The following CELSR1 variants were observed in gnomAD, a reference collection of about 807,000 sequenced individuals.
The protein encoded by CELSR1 is cadherin EGF LAG seven-pass G-type receptor 1.
In CELSR1, 110 loss-of-function variants were observed where a neutral mutation model predicts 249.1. The ratio of observed to expected loss-of-function variants is 0.44; its 90% CI spans 0.38 to 0.52. CELSR1 has a LOEUF of 0.52. Among genes scored for constraint, CELSR1 ranks in the 20% least tolerant of loss-of-function variants. The pLI, the probability that CELSR1 is intolerant of heterozygous loss-of-function variation, is 0.00. For synonymous variants in CELSR1, 2,113 were observed against 1,900.0 expected (o/e 1.11, Z -2.92); for missense variants, 4,109 against 4,296.4 (o/e 0.96, Z 1.22).
At chr22:46,431,437 TC>T (rs1369387351) in intron 5 of CELSR1, among the ~76,000 whole-genome samples, 1 of 151,656 alleles carries the variant, frequency 6.6e-6, no homozygotes, top group Non-Finnish European at 1.5e-5. Flanking sequence ...GCCTACCCCC[TC>T]CCCAGCAACA....
At chr22:46,496,423 C>T (rs1436328929) in intron 1 of CELSR1, among the ~76,000 whole-genome samples, 1 of 151,934 alleles carries the variant, frequency 6.6e-6, no homozygotes, top group Non-Finnish European at 1.5e-5. Flanking sequence ...CAAAAACTAG[C>T]CTGGTGTGGT....
intron 14 of CELSR1, among the ~76,000 whole-genome samples, 194 bp from the exon 15 acceptor site, chr22:46,392,010 G>T (rs1016864104): frequency 2.6e-5 from 4 of 152,204 alleles, no homozygotes; most frequent in Non-Finnish European, 5.9e-5. Context: ...CCACAAGGCC[G>T]GACCCAGGAG....
In CELSR1 at chr22:46,398,557, G is replaced by C. The variant is rs144288536; in HGVS notation, c.5493C>G (p.Val1831=). The C allele has an allele frequency of 2.5e-6, 4 of 1,613,426 alleles. No individual in the cohort carries two copies. Among genetic ancestry groups the C allele is most frequent in the African/African-American group, 2.7e-5 (2 of 74,858 alleles). ...VVVGGASEDK[V]SVRRGFRGCM... ...AGCCTCGGAATCCACGGCGCACGGA[G>C]ACCTTGTCTTCAGAGGCGCCTCCGA... is the stretch of plus-strand genomic sequence containing the variant. The change falls in exon 11 of 35, where the codon GTC becomes GTG. Residue 1831 remains valine, a synonymous_variant. Coordinates refer to ENST00000674500, the MANE Select transcript of CELSR1 (RefSeq NM_001378328.1). This position sits in a 1 kb window ranked among gnomAD's most constrained non-coding sequence, Gnocchi z 7.2.
Position 46,439,186 on chromosome 22 carries a change from C to T in CELSR1, c.4406+3G>A. On this transcript the variant is annotated splice_donor_region_variant and intron_variant, in intron 3 of 34. Coordinates refer to ENST00000674500, the MANE Select transcript of CELSR1 (RefSeq NM_001378328.1). ...CGTGTGGCGCGGCGGGACGCACACT[C>T]ACGTGAGGGAGATGGTGAAGTGGAA... 1.2e-6 allele frequency: 2 copies of T among 1,611,526 alleles called. No homozygotes were observed. Among genetic ancestry groups the T allele is most frequent in the Middle Eastern group, 1.7e-4 (1 of 6,060 alleles).
rs904712157 is a variant in CELSR1, at chr22:46,377,120, C to T, written c.7525G>A (p.Val2509Met). Residue 2509 changes from valine to methionine, a missense_variant, in exon 24 of 35, where the codon GTG becomes ATG. Physicochemically the swap from Val to Met is conservative, Grantham distance 21 (BLOSUM62 1). This residue lies in a region of CELSR1 where 1,805 missense variants were observed against 1,831.6 expected (regional missense o/e 0.99). Coordinates refer to ENST00000674500, the MANE Select transcript of CELSR1 (RefSeq NM_001378328.1). Reference protein sequence around the residue: ...NLHSIHKHLAVALFLSQLVFV... With the variant: ...NLHSIHKHLAMALFLSQLVFV... ...ACCAGCTGAGAGAGGAAGAGCGCCA[C>T]GGCGAGGTGCTTGTGAATGCTGTGC... The T allele has an allele frequency of 9.3e-6, 15 of 1,613,484 alleles. No homozygotes were observed. The highest frequency in any genetic ancestry group is 5.0e-5 in the Admixed American group (3 of 59,980).
intron 5 of CELSR1, among the ~76,000 whole-genome samples, chr22:46,421,990 A>G (rs76004723): frequency 0.044 from 6,706 of 152,330 alleles, 463 homozygotes; most frequent in African/African-American, 0.14. Context: ...ACCAGCCTGC[A>G]TGGCCACCTC....
At chr22:46,397,877 CA>C in intron 11 of CELSR1, 29 bp from the exon 12 acceptor site, 1 of 1,494,792 alleles carries the variant, frequency 6.7e-7, no homozygotes, top group Non-Finnish European at 9.0e-7. Context: ...ACTGGGGCTA[CA>C]GGAGCCCGGA....
rs372070030 is a variant in CELSR1 at position 46,409,032 on chromosome 22, C to T, written c.5190G>A (p.Glu1730=). 8 of 1,612,546 alleles carry T rather than the reference C, an allele frequency of 5.0e-6. No individual in the cohort carries two copies. In the South Asian group the frequency reaches 8.8e-5, roughly 18 times the overall value. ...RTRKEDSVLM[E]ATSGGPTSFR... ...AGCTGGTGGGCCCACCACTGGTGGC[C>T]TCCATCAGAACGCTGTCCTCCTTCC... is the stretch of plus-strand genomic sequence containing the variant. The change falls in exon 9 of 35, where the codon GAG becomes GAA. Residue 1730 remains glutamate, a synonymous_variant. Coordinates refer to ENST00000674500, the MANE Select transcript of CELSR1 (RefSeq NM_001378328.1). This position sits in a 1 kb window ranked among gnomAD's most constrained non-coding sequence, Gnocchi z 9.8.
Position 46,436,364 on chromosome 22 carries a change from A to C in CELSR1, c.4407-75T>G. ...AAGGCTGCCTAGGAATGACAAGTCC[A>C]GCCGGAGGAGGGCAAGCACGTGGGG... On this transcript the variant is annotated intron_variant, in intron 3 of 34. Coordinates refer to ENST00000674500, the MANE Select transcript of CELSR1 (RefSeq NM_001378328.1). The surrounding 1 kb of genome is among the most constrained non-coding windows in gnomAD (Gnocchi z 5.9). The C allele has an allele frequency of 9.0e-7, 1 of 1,106,660 alleles. No homozygotes were observed. The highest frequency in any genetic ancestry group is 1.9e-5 in the Admixed American group (1 of 51,880). 68.6% of individuals were successfully genotyped at this position (1,106,660 alleles called of 1,614,324 possible).
Position 46,394,039 on chromosome 22 carries a change from G to C in CELSR1, c.5964+103C>G. 2.8e-6 allele frequency: 4 copies of C among 1,450,826 alleles called. No individual in the cohort carries two copies. The South Asian group carries it at 5.1e-5, about 19-fold the overall frequency. 89.9% of individuals were successfully genotyped at this position (1,450,826 alleles called of 1,614,324 possible). A position where few individuals can be genotyped will look rare whatever the true frequency, so the allele number is the denominator to read the frequency against. ...CACAGGTGTGTGTGCAGGGGTGTGA[G>C]TGTGTACCGACAGGGTATGTGAAGG... On this transcript the variant is annotated intron_variant, in intron 14 of 34. Coordinates refer to ENST00000674500, the MANE Select transcript of CELSR1 (RefSeq NM_001378328.1).
chr22:46,479,334 C>T (rs576944684), intron 1 of CELSR1, among the ~76,000 whole-genome samples: 11 of 152,162 alleles, frequency 7.2e-5, no homozygotes, highest in Admixed American at 5.2e-4. Flanking sequence ...GCCGCTCCTA[C>T]CCCCGAGCCC....
At chr22:46,452,512 G>A (rs1396332520) in intron 2 of CELSR1, among the ~76,000 whole-genome samples, 6 of 152,208 alleles carry the variant, frequency 3.9e-5, no homozygotes, top group Admixed American at 2.0e-4. Context: ...CACTTAGGGG[G>A]CGGTCAGCCC....
At position 46,381,310 on chromosome 22, in the gene CELSR1, G is replaced by A. The variant is rs1389173124; in HGVS notation, c.7089-355C>T. On this transcript the variant is annotated intron_variant, in intron 21 of 34. Transcript: ENST00000674500. This position sits in a 1 kb window ranked among gnomAD's most constrained non-coding sequence, Gnocchi z 6.0. ...ACACCAAAATAATGGCAGCTCATGG[G>A]GATGAATCACCCAGTCACTGAGAAC... Among the ~76,000 whole-genome samples the A allele has an allele frequency of 2.0e-5, 3 of 152,206 alleles. No homozygotes were observed. Among genetic ancestry groups the A allele is most frequent in the Admixed American group, 6.5e-5 (1 of 15,282 alleles).
At chr22:46,375,539 CTTTT>C (rs971800051) in intron 24 of CELSR1, among the ~76,000 whole-genome samples, 2 of 120,590 alleles carry the variant, frequency 1.7e-5, no homozygotes, top group South Asian at 2.6e-4. Context: ...CTGCCAGGCT[CTTTT>C]TTTTTTTTTT....
intron 18 of CELSR1, among the ~76,000 whole-genome samples, chr22:46,387,594 G>C (rs2079046049): frequency 1.3e-5 from 2 of 151,988 alleles, no homozygotes; most frequent in Admixed American, 1.3e-4. Flanking sequence ...CCTGGGCTCA[G>C]GCAATCTGCC....
Position 46,536,509 on chromosome 22 carries a change from T to C in CELSR1, c.662A>G (p.Asn221Ser). The C allele has an allele frequency of 1.3e-6, 2 of 1,523,662 alleles. No individual in the cohort carries two copies. The highest frequency in any genetic ancestry group is 1.8e-6 in the Non-Finnish European group (2 of 1,140,288). The allele number at this position is 1,523,662 out of a possible 1,614,324, so 94.4% of individuals were successfully genotyped here. A position where few individuals can be genotyped will look rare whatever the true frequency, so the allele number is the denominator to read the frequency against. Reference sequence around the variant, plus strand: ...CGGCCCCGCCCGGGCTTCGGGCAAGTTCGGCGGCAGGGGCGGCGATGGGGA... The same window carrying C: ...CGGCCCCGCCCGGGCTTCGGGCAAGCTCGGCGGCAGGGGCGGCGATGGGGA... ...SPSPSPPLPPNLPEARAGPAR... is the reference protein window; with the variant it reads ...SPSPSPPLPPSLPEARAGPAR... Residue 221 changes from asparagine (N) to serine (S), a missense_variant, in exon 1 of 35, where the codon AAC becomes AGC. Around this residue, in one of 7 missense-constraint regions of CELSR1, gnomAD observed 673 missense variants for 636.8 expected, o/e 1.06. Coordinates refer to ENST00000674500, the MANE Select transcript of CELSR1 (RefSeq NM_001378328.1).
At chr22:46,364,472 T>C in intron 33 of CELSR1, 40 bp downstream of exon 33, 1 of 1,579,734 alleles carries the variant, frequency 6.3e-7, no homozygotes, top group Non-Finnish European at 8.6e-7. Context: ...CCCTTCTGGG[T>C]CCTCCAGCCT....
At chr22:46,383,308 T>C (rs1042451658) in intron 20 of CELSR1, among the ~76,000 whole-genome samples, 1 of 152,262 alleles carries the variant, frequency 6.6e-6, no homozygotes, top group African/African-American at 2.4e-5. Context: ...TTACAGAGTT[T>C]ACCTTTTCAC....
chr22:46,384,260 C>A (rs2079008949), intron 20 of CELSR1, among the ~76,000 whole-genome samples: 1 of 152,310 alleles, frequency 6.6e-6, no homozygotes, highest in African/African-American at 2.4e-5. Context: ...TTTATTGTTT[C>A]ATGCTTACGC....
Sources: gnomAD v4.1 joint callset for allele counts (sites outside exome capture counted in the v4.1 genomes callset) on GRCh38, gnomAD v4.1.1 for gene constraint, gnomAD v4.1.1 regional missense constraint, Gnocchi (gnomAD v3.1) non-coding constraint, MANE v1.5 for transcripts, NCBI Gene and HGNC (gene_info 2026-07-23, HGNC 2026-07-21) for gene names.